The following HMCN1 variants were observed in gnomAD, a reference collection of about 807,000 sequenced individuals.
The protein encoded by HMCN1 is hemicentin-1.
HMCN1 carries 321 observed loss-of-function variants against 625.9 expected under a neutral mutation model. That is an observed-to-expected ratio of 0.51 (90% CI 0.47 to 0.56). HMCN1 has a LOEUF of 0.56. HMCN1 is among the 20% of genes least tolerant of loss of function. HMCN1 has a pLI of 0.00. For missense variants in HMCN1, 6,588 were observed against 6,887.3 expected (o/e 0.96, Z 1.54); for synonymous variants, 2,425 against 2,417.6 (o/e 1.00, Z -0.09).
chr1:186,086,344 G>C lies in HMCN1; in HGVS notation c.8983G>C (p.Asp2995His), dbSNP rs143661563. The stretch of plus-strand genomic sequence containing the variant: ...TGAGGTCTCTGGTTTTCCACCTCCT[G>C]ACCTCAGCTGGCTCAAGAATGAACA... ...TCEVSGFPPP[D>H]LSWLKNEQPI... Residue 2995 changes from aspartate to histidine, a missense_variant, in exon 58 of 107, where the codon GAC (aspartate) becomes CAC (histidine). By Grantham distance (81) the Asp-to-His change is moderately conservative. Coordinates refer to ENST00000271588, the MANE Select transcript of HMCN1 (RefSeq NM_031935.3). The C allele has an allele frequency of 2.5e-6, 4 of 1,613,168 alleles. No homozygotes were observed. The African/African-American group carries it at 5.3e-5, about 22-fold the overall frequency.
At chr1:185,748,498 A>G (rs1266340168) in intron 1 of HMCN1, among the ~76,000 whole-genome samples, 1 of 152,120 alleles carries the variant, frequency 6.6e-6, no homozygotes, top group Non-Finnish European at 1.5e-5. Context: ...CCCTTTCTAT[A>G]TTTATTGTAT....
chr1:185,894,497 C>A (rs1231850208), intron 4 of HMCN1, among the ~76,000 whole-genome samples: 1 of 152,102 alleles, frequency 6.6e-6, no homozygotes, highest in African/African-American at 2.4e-5. Flanking sequence ...ACTAATTTTT[C>A]TTGGATCTGT....
Position 185,984,153 on chromosome 1 carries a change from T to G in HMCN1, c.2791-16T>G, listed in dbSNP as rs751574552. 6 of 1,607,600 alleles carry G rather than the reference T, an allele frequency of 3.7e-6. No homozygotes were observed. Among genetic ancestry groups the G allele is most frequent in the Middle Eastern group, 1.7e-4 (1 of 6,016 alleles). The stretch of plus-strand genomic sequence containing the variant: ...CTTTCTTTTTAAATAAAAATTACCT[T>G]TTTTTTTCCTTTAAGTTGCTCCAAA... On this transcript the variant is annotated splice_polypyrimidine_tract_variant and intron_variant, in intron 18 of 106. Transcript: ENST00000271588.
In HMCN1 at chr1:186,110,977, C is replaced by CTTT. The variant is rs557887846; in HGVS notation, c.10990-1816_10990-1814dup. Among the ~76,000 whole-genome samples the CTTT allele has an allele frequency of 3.7e-3, 229 of 61,620 alleles. 59 individuals are homozygous for CTTT. Among genetic ancestry groups the CTTT allele is most frequent in the African/African-American group, 0.019 (190 of 10,184 alleles). 40.4% of individuals were successfully genotyped at this position (61,620 alleles called of 152,430 possible). A position where few individuals can be genotyped will look rare whatever the true frequency, so the allele number is the denominator to read the frequency against. On this transcript the variant is annotated intron_variant, in intron 71 of 106. Transcript: ENST00000271588. ...TACGGAAGAAAAACCAGAGAAAATT[C>CTTT]TTTTTTTTTTTTTTTTTTTTTGAGA...
intron 29 of HMCN1, 117 bp from the exon 30 acceptor site, chr1:186,007,011 T>G: frequency 1.2e-6 from 1 of 813,336 alleles, no homozygotes; most frequent in Non-Finnish European, 2.0e-6. Flanking sequence ...TATCATTTTA[T>G]TTTTTAAATT....
At chr1:186,019,507 G>A (rs1240336746) in intron 34 of HMCN1, 34 bp from the exon 35 acceptor site, 1 of 1,540,452 alleles carries the variant, frequency 6.5e-7, no homozygotes. Flanking sequence ...CACTGATTAT[G>A]GTTTCATTCC....
intron 2 of HMCN1, among the ~76,000 whole-genome samples, chr1:185,859,775 C>T (rs1385215216): frequency 1.3e-5 from 2 of 152,082 alleles, no homozygotes; most frequent in Admixed American, 1.3e-4. Context: ...AAGCAATTCT[C>T]CTGCCTCAGC....
chr1:185,857,611 GA>G (rs993847670), intron 2 of HMCN1, among the ~76,000 whole-genome samples: 2 of 151,994 alleles, frequency 1.3e-5, no homozygotes, highest in African/African-American at 4.8e-5. Context: ...AACATAGGGG[GA>G]GTTAGCTTTA....
Position 186,016,027 on chromosome 1 carries a change from C to A in HMCN1, c.4979C>A (p.Thr1660Lys), listed in dbSNP as rs1028977493. ...CAAGTAGTTATTGCTCATTCTCTGA[C>A]ACTGGAGTGCAAAGCTGCTGGAAAC... The part of the protein sequence containing the change: ...NKQVVIAHSL[T>K]LECKAAGNPS... Residue 1660 changes from threonine to lysine, a missense_variant, in exon 32 of 107, where the codon ACA (threonine) becomes AAA (lysine). Thr to Lys is a moderately conservative substitution (Grantham distance 78). Around this residue, in one of 3 missense-constraint regions of HMCN1, gnomAD observed 4,628 missense variants for 4,853.1 expected, o/e 0.95. Coordinates refer to ENST00000271588, the MANE Select transcript of HMCN1 (RefSeq NM_031935.3). 3 of 1,613,400 alleles carry A rather than the reference C, an allele frequency of 1.9e-6. No individual in the cohort carries two copies. Among genetic ancestry groups the A allele is most frequent in the Non-Finnish European group, 2.5e-6 (3 of 1,179,488 alleles).
chr1:185,897,328 C>G lies in HMCN1; in HGVS notation c.622-12009C>G, dbSNP rs1571524458. ...TCCCTCCCAATCCCTCCACCACATT[C>G]TTCCAGTAGAATCCTTCTTAAATAC... On this transcript the variant is annotated intron_variant, in intron 4 of 106. Transcript: ENST00000271588. Among the ~76,000 whole-genome samples, 7 of 152,306 alleles carry G rather than the reference C, an allele frequency of 4.6e-5. 1 individual carries two copies. The South Asian group carries it at 1.5e-3, about 32-fold the overall frequency.
intron 35 of HMCN1, among the ~76,000 whole-genome samples, chr1:186,021,249 G>C (rs1006181221): frequency 6.6e-6 from 1 of 152,032 alleles, no homozygotes; most frequent in Non-Finnish European, 1.5e-5. Context: ...GGATTCCAAC[G>C]TACACAACTG....
chr1:186,121,500 G>T (rs368670231), intron 80 of HMCN1, among the ~76,000 whole-genome samples: 1 of 152,084 alleles, frequency 6.6e-6, no homozygotes, highest in Non-Finnish European at 1.5e-5. Flanking sequence ...TGAATTGGTA[G>T]GTTAGGAATA....
chr1:186,105,688 A>G (rs1233902890), intron 69 of HMCN1, among the ~76,000 whole-genome samples: 3 of 152,220 alleles, frequency 2.0e-5, no homozygotes, highest in Non-Finnish European at 4.4e-5. Flanking sequence ...TATTAGTAAA[A>G]CAAGACTTTA....
chr1:186,078,955 A>T (rs1467930118), intron 55 of HMCN1, among the ~76,000 whole-genome samples: 1 of 152,226 alleles, frequency 6.6e-6, no homozygotes, highest in African/African-American at 2.4e-5. Context: ...ATGAGATGAC[A>T]ATTAAAAAAT....
intron 84 of HMCN1, 122 bp from the exon 85 acceptor site, chr1:186,130,385 A>T (rs939989710): frequency 2.0e-6 from 2 of 1,024,784 alleles, no homozygotes; most frequent in Non-Finnish European, 2.9e-6. Context: ...TGGAAATTTC[A>T]TGAGTCTTTA....
At chr1:185,826,697 T>A (rs1262947123) in intron 1 of HMCN1, among the ~76,000 whole-genome samples, 1 of 152,118 alleles carries the variant, frequency 6.6e-6, no homozygotes, top group Non-Finnish European at 1.5e-5. Flanking sequence ...AAGGATAGTT[T>A]ACATTAAGAA....
chr1:186,037,672 T>G (rs1655927079), intron 36 of HMCN1, among the ~76,000 whole-genome samples: 1 of 152,192 alleles, frequency 6.6e-6, no homozygotes, highest in African/African-American at 2.4e-5. Flanking sequence ...CTTTAACTTT[T>G]TTTTACTCCT....
chr1:185,837,778 C>A (rs989649332), intron 1 of HMCN1, among the ~76,000 whole-genome samples: 1 of 152,112 alleles, frequency 6.6e-6, no homozygotes. Context: ...TAAATGGTTC[C>A]TCTTTTAATA....
At chr1:185,758,103 T>A (rs1655250336) in intron 1 of HMCN1, among the ~76,000 whole-genome samples, 1 of 152,246 alleles carries the variant, frequency 6.6e-6, no homozygotes, top group Non-Finnish European at 1.5e-5. Flanking sequence ...CAACACGTCT[T>A]GGCAATCGTG....
Sources: gnomAD v4.1 joint callset for allele counts (sites outside exome capture counted in the v4.1 genomes callset) on GRCh38, gnomAD v4.1.1 for gene constraint, gnomAD v4.1.1 regional missense constraint, MANE v1.5 for transcripts, NCBI Gene and HGNC (gene_info 2026-07-23, HGNC 2026-07-21) for gene names.